FGD5: variants seen among roughly 807,000 people sequenced by gnomAD.
FGD5 encodes FYVE, RhoGEF and PH domain containing 5, also known as FYVE, RhoGEF and PH domain-containing protein 5.
A neutral mutation model predicts 133.4 loss-of-function variants in FGD5; 28 were observed. The observed-to-expected ratio is 0.21, with a 90% CI of 0.16 to 0.29. The LOEUF is 0.29. FGD5 is among the 10% of genes least tolerant of loss of function. The pLI is 1.00. For synonymous variants in FGD5, 810 were observed against 776.5 expected (o/e 1.04, Z -0.72); for missense variants, 1,858 against 1,895.2 (o/e 0.98, Z 0.36).
rs921634187 is a variant in FGD5 at position 14,820,749 on chromosome 3, G to A, written c.1678G>A (p.Val560Met). The A allele has an allele frequency of 2.5e-6, 4 of 1,610,380 alleles. No homozygotes were observed. Among genetic ancestry groups the A allele is most frequent in the Admixed American group, 1.7e-5 (1 of 59,198 alleles). ...CTCCGTGGAAGGCCGAGAGATTCCA[G>A]TGTCCGTGTACCAGGAGCCTGAGGG... ...SFSVEGREIPVSVYQEPEGSG... is the reference protein window; with the variant it reads ...SFSVEGREIPMSVYQEPEGSG... The change falls in exon 1 of 20, where the codon GTG (valine) becomes ATG (methionine). Residue 560 changes from valine to methionine, a missense_variant. Coordinates refer to ENST00000285046, the MANE Select transcript of FGD5 (RefSeq NM_152536.4).
chr3:14,868,765 C>T (rs1051875507), intron 2 of FGD5, among the ~76,000 whole-genome samples: 1 of 152,202 alleles, frequency 6.6e-6, no homozygotes, highest in Admixed American at 6.5e-5. Flanking sequence ...CTCCCAGTCC[C>T]TCCTCTTCTT....
intron 1 of FGD5, among the ~76,000 whole-genome samples, chr3:14,824,124 T>C (rs964323576): frequency 1.3e-5 from 2 of 152,320 alleles, no homozygotes; most frequent in Middle Eastern, 3.4e-3. Flanking sequence ...AAATCTCCCA[T>C]ACAGGAACCA....
At chr3:14,836,203 A>T (rs2125081362) in intron 1 of FGD5, among the ~76,000 whole-genome samples, 2 of 152,324 alleles carry the variant, frequency 1.3e-5, no homozygotes, top group East Asian at 1.9e-4. Context: ...GCTCTGAGGG[A>T]TAACAAGAGA....
chr3:14,844,229 T>A (rs868327460), intron 1 of FGD5, among the ~76,000 whole-genome samples: 534 of 16,078 alleles, frequency 0.033, 42 homozygotes, highest in East Asian at 0.076. Context: ...TATATATATA[T>A]ATATATATAT....
At chr3:14,833,433 A>T (rs2036756758) in intron 1 of FGD5, among the ~76,000 whole-genome samples, 1 of 152,214 alleles carries the variant, frequency 6.6e-6, no homozygotes, top group African/African-American at 2.4e-5. Flanking sequence ...ATTCTATCTT[A>T]CAGAATCTGC....
chr3:14,909,855 T>C (rs1274290303), intron 10 of FGD5, among the ~76,000 whole-genome samples: 1 of 150,788 alleles, frequency 6.6e-6, no homozygotes, highest in Non-Finnish European at 1.5e-5. Flanking sequence ...AACCTCCGCC[T>C]CCTGGGTTCA....
At chr3:14,893,184 A>T (rs1305830714) in intron 4 of FGD5, among the ~76,000 whole-genome samples, 6 of 152,230 alleles carry the variant, frequency 3.9e-5, no homozygotes, top group Admixed American at 1.3e-4. Context: ...ATTTATTAAA[A>T]AATGCATCAT....
rs768561382 is a variant in FGD5, at chr3:14,934,523, GTTC to G, written c.*1359_*1361del. The G allele has an allele frequency of 6.6e-6, 1 of 152,122 alleles. No individual in the cohort carries two copies. The highest frequency in any genetic ancestry group is 1.5e-5 in the Non-Finnish European group (1 of 68,014). 9.4% of individuals were successfully genotyped at this position (152,122 alleles called of 1,614,324 possible). A position where few individuals can be genotyped will look rare whatever the true frequency, so the allele number is the denominator to read the frequency against. On this transcript the variant is annotated 3_prime_UTR_variant, in exon 20 of 20. Coordinates refer to ENST00000285046, the MANE Select transcript of FGD5 (RefSeq NM_152536.4). ...GGGGAATTTTTTTTTCCAGTTTGCA[GTTC>G]TTTTAAAATGTTTGCATTAAACATG...
At chr3:14,899,673 C>T (rs571366313) in intron 7 of FGD5, among the ~76,000 whole-genome samples, 75 of 152,334 alleles carry the variant, frequency 4.9e-4, no homozygotes, top group African/African-American at 1.8e-3. Context: ...GTAAATCGAA[C>T]AGCAAACTCA....
chr3:14,886,810 C>G (rs2037933195), intron 4 of FGD5, among the ~76,000 whole-genome samples: 1 of 152,084 alleles, frequency 6.6e-6, no homozygotes, highest in Non-Finnish European at 1.5e-5. Context: ...CGTCGTGTAA[C>G]TTCCAAGTAT....
intron 4 of FGD5, among the ~76,000 whole-genome samples, chr3:14,892,069 G>A (rs2038039768): frequency 6.6e-6 from 1 of 151,926 alleles, no homozygotes; most frequent in African/African-American, 2.4e-5. Context: ...TCCCCTGCAG[G>A]GAGGGGTAGA....
chr3:14,816,915 G>A (rs551455876), upstream of FGD5, among the ~76,000 whole-genome samples: 359 of 152,290 alleles, frequency 2.4e-3, 1 homozygote, highest in African/African-American at 8.0e-3. Context: ...CAGAAATACT[G>A]AAATTGAGGT....
At chr3:14,901,571 C>T (rs2038239815) in intron 9 of FGD5, among the ~76,000 whole-genome samples, 1 of 152,224 alleles carries the variant, frequency 6.6e-6, no homozygotes, top group Non-Finnish European at 1.5e-5. Flanking sequence ...TTCAGGTGGT[C>T]ACCACATGCT....
At position 14,922,534 on chromosome 3, in the gene FGD5, C is replaced by CA. The variant is rs748332435; in HGVS notation, c.3794dup (p.His1265GlnfsTer76). ...CCTCACCCTGCGGCGTCATCACTGT[C>CA]ACGCCTGTGGCAAGGTGAGTCGCTG... On this transcript the variant is annotated frameshift_variant, in exon 15 of 20. Transcript: ENST00000285046. LOFTEE classifies it high-confidence loss of function. This position sits in a 1 kb window ranked among gnomAD's most constrained non-coding sequence, Gnocchi z 4.1. 1 of 1,581,934 alleles carries CA rather than the reference C, an allele frequency of 6.3e-7. No individual in the cohort carries two copies. Among genetic ancestry groups the CA allele is most frequent in the Non-Finnish European group, 8.6e-7 (1 of 1,164,166 alleles).
At position 14,922,299 on chromosome 3, in the gene FGD5, AC is replaced by A; in HGVS notation, c.3670-109del. The A allele has an allele frequency of 6.9e-7, 1 of 1,448,502 alleles. No individual in the cohort carries two copies. The allele number at this position is 1,448,502 out of a possible 1,614,324, so 89.7% of individuals were successfully genotyped here. A position where few individuals can be genotyped will look rare whatever the true frequency, so the allele number is the denominator to read the frequency against. On this transcript the variant is annotated intron_variant, in intron 14 of 19. Transcript: ENST00000285046. This position sits in a 1 kb window ranked among gnomAD's most constrained non-coding sequence, Gnocchi z 4.1. ...GAGGCCTTTCACATCAGACCCACTC[AC>A]CCACACATCACACACCCTGCACAGA...
At chr3:14,896,470 ACT>A (rs2038140534) in intron 4 of FGD5, among the ~76,000 whole-genome samples, 5 of 151,172 alleles carry the variant, frequency 3.3e-5, no homozygotes, top group Middle Eastern at 3.2e-3. Context: ...CCCAGATGTA[ACT>A]TTTTTTTTTT....
chr3:14,820,490 G>A lies in FGD5; in HGVS notation c.1419G>A (p.Ala473=), dbSNP rs375582577. Residue 473 remains alanine (A), a synonymous_variant, in exon 1 of 20, where the codon GCG becomes GCA. Coordinates refer to ENST00000285046, the MANE Select transcript of FGD5 (RefSeq NM_152536.4). ...NCEAEGGLVP[A]DRKNTSTRVR... ...AGGCAGAGGGTGGCCTGGTTCCCGC[G>A]GACAGGAAGAACACCAGCACGAGGG... 8.7e-6 allele frequency: 14 copies of A among 1,613,836 alleles called. No homozygotes were observed. Among genetic ancestry groups the A allele is most frequent in the Middle Eastern group, 1.6e-4 (1 of 6,084 alleles).
intron 10 of FGD5, 112 bp from the exon 11 acceptor site, chr3:14,910,749 G>T: frequency 1.1e-6 from 1 of 906,784 alleles, no homozygotes. Flanking sequence ...GGCCTCCCCT[G>T]CACCCTTGTC....
chr3:14,856,841 G>A (rs2037290174), intron 1 of FGD5, among the ~76,000 whole-genome samples: 1 of 152,156 alleles, frequency 6.6e-6, no homozygotes. Flanking sequence ...GGGACAGTTT[G>A]ACTTCTTCCT....
Sources: gnomAD v4.1 joint callset for allele counts (sites outside exome capture counted in the v4.1 genomes callset) on GRCh38, gnomAD v4.1.1 for gene constraint, Gnocchi (gnomAD v3.1) non-coding constraint, MANE v1.5 for transcripts, NCBI Gene and HGNC (gene_info 2026-07-23, HGNC 2026-07-21) for gene names.